MSRA: variants seen among roughly 807,000 people sequenced by gnomAD.
The protein encoded by MSRA is methionine sulfoxide reductase A, also known as mitochondrial peptide methionine sulfoxide reductase.
A neutral mutation model predicts 31.3 loss-of-function variants in MSRA; 54 were observed. That is an observed-to-expected ratio of 1.73 (90% CI 1.39 to 2.17). The LOEUF (loss-of-function observed/expected upper bound fraction) is 2.17, where lower values mean the gene tolerates loss of function less well. Ranked by LOEUF, MSRA falls within the 30% of genes most tolerant of loss-of-function variation. The pLI is 0.00. For synonymous variants in MSRA, 169 were observed against 116.5 expected (o/e 1.45, Z -2.90); for missense variants, 507 against 300.9 (o/e 1.69, Z -5.07).
At chr8:10,143,271 T>G (rs990426307) in intron 1 of MSRA, among the ~76,000 whole-genome samples, 2 of 152,046 alleles carry the variant, frequency 1.3e-5, no homozygotes, top group African/African-American at 2.4e-5. Flanking sequence ...AGGGAGTGTT[T>G]AGAAAAAAGA....
At chr8:10,370,325 A>G (rs1805405859) in intron 5 of MSRA, among the ~76,000 whole-genome samples, 1 of 152,234 alleles carries the variant, frequency 6.6e-6, no homozygotes, top group Non-Finnish European at 1.5e-5. Flanking sequence ...CTACCAGAGT[A>G]CTGCTTCCTG....
chr8:10,241,838 G>A (rs1797338890), intron 2 of MSRA, among the ~76,000 whole-genome samples: 1 of 152,222 alleles, frequency 6.6e-6, no homozygotes, highest in African/African-American at 2.4e-5. Context: ...GTCCTCTGAG[G>A]ACGGTTGTGT....
chr8:10,231,464 C>A (rs931408088), intron 2 of MSRA, among the ~76,000 whole-genome samples: 8 of 152,168 alleles, frequency 5.3e-5, no homozygotes, highest in African/African-American at 1.9e-4. Context: ...GGGAGCCCCC[C>A]AGGTGGGGAT....
intron 1 of MSRA, among the ~76,000 whole-genome samples, chr8:10,095,041 C>A (rs1214613540): frequency 1.3e-5 from 2 of 152,188 alleles, no homozygotes; most frequent in African/African-American, 4.8e-5. Flanking sequence ...TATTCATTCT[C>A]CATAGGATAA....
chr8:10,387,076 C>T (rs530675507), intron 5 of MSRA, among the ~76,000 whole-genome samples: 4 of 152,236 alleles, frequency 2.6e-5, no homozygotes, highest in South Asian at 2.1e-4. Flanking sequence ...TGACAAGCTC[C>T]AGAGGCAGCT....
chr8:10,177,722 G>T (rs902026539), intron 1 of MSRA, among the ~76,000 whole-genome samples: 8 of 152,106 alleles, frequency 5.3e-5, no homozygotes, highest in African/African-American at 1.7e-4. Context: ...TTTATTTATT[G>T]GCAAGCTTTT....
rs1390034861 is a variant in MSRA, at chr8:10,279,297, T to C, written c.332-22237T>C. ...TTAATTAATACAGAGTAGCTGACTC[T>C]CCAGACATATGTAATGGGTGAAAAT... On this transcript the variant is annotated intron_variant, in intron 3 of 5. Transcript: ENST00000317173. 2.6e-5 allele frequency among the ~76,000 whole-genome samples: 4 copies of C among 152,310 alleles called. No individual in the cohort carries two copies. The East Asian group carries it at 7.7e-4, about 29-fold the overall frequency.
intron 1 of MSRA, among the ~76,000 whole-genome samples, chr8:10,193,311 T>C (rs1401976036): frequency 6.6e-6 from 1 of 152,196 alleles, no homozygotes; most frequent in African/African-American, 2.4e-5. Context: ...CCTATGGCCT[T>C]CCCGCTGAGA....
intron 3 of MSRA, among the ~76,000 whole-genome samples, chr8:10,291,205 C>T (rs749774994): frequency 4.6e-5 from 7 of 152,176 alleles, no homozygotes; most frequent in Non-Finnish European, 8.8e-5. Flanking sequence ...GTTTATGGCA[C>T]TCCTCTGAGA....
At chr8:10,390,024 C>A (rs1462282211) in intron 5 of MSRA, among the ~76,000 whole-genome samples, 1 of 152,182 alleles carries the variant, frequency 6.6e-6, no homozygotes, top group Admixed American at 6.5e-5. Flanking sequence ...GCTTCTGCCT[C>A]ACCCGAGCCC....
intron 3 of MSRA, among the ~76,000 whole-genome samples, chr8:10,272,244 G>A (rs773707816): frequency 6.6e-6 from 1 of 152,150 alleles, no homozygotes; most frequent in Non-Finnish European, 1.5e-5. Context: ...CGATCTAGAG[G>A]TTAATGTATT....
intron 1 of MSRA, among the ~76,000 whole-genome samples, chr8:10,128,508 G>C (rs1432969552): frequency 6.6e-6 from 1 of 152,012 alleles, no homozygotes. Context: ...TCGAAATTCT[G>C]TGACTCCTAT....
chr8:10,337,612 T>G, intron 5 of MSRA: 1 of 665,384 alleles, frequency 1.5e-6, no homozygotes. Context: ...GGTTAATTTT[T>G]CTGGTCCTGA....
intron 5 of MSRA, among the ~76,000 whole-genome samples, chr8:10,331,977 T>G (rs536684331): frequency 5.9e-5 from 9 of 152,336 alleles, no homozygotes; most frequent in African/African-American, 1.9e-4. Flanking sequence ...CAGGGTTTAA[T>G]GGGTGACTGC....
intron 1 of MSRA, among the ~76,000 whole-genome samples, chr8:10,185,103 G>C (rs1234311692): frequency 6.6e-6 from 1 of 152,140 alleles, no homozygotes; most frequent in African/African-American, 2.4e-5. Context: ...AAGGCTGAAG[G>C]GCTGCTGCTC....
chr8:10,146,336 C>G (rs1435749039), intron 1 of MSRA, among the ~76,000 whole-genome samples: 1 of 152,114 alleles, frequency 6.6e-6, no homozygotes, highest in Admixed American at 6.5e-5. Context: ...ATTTTAAACA[C>G]AGAAATAAAA....
chr8:10,368,538 C>A (rs757141577), intron 5 of MSRA, among the ~76,000 whole-genome samples: 2 of 152,220 alleles, frequency 1.3e-5, no homozygotes, highest in South Asian at 2.1e-4. Context: ...TGGCCAACAC[C>A]GGAGTGGGGT....
At chr8:10,313,890 G>A (rs1801573129) in intron 4 of MSRA, among the ~76,000 whole-genome samples, 1 of 152,160 alleles carries the variant, frequency 6.6e-6, no homozygotes, top group African/African-American at 2.4e-5. Context: ...AAATGACACA[G>A]TTGGCATTTC....
chr8:10,403,374 G>C (rs1807585935), intron 5 of MSRA, among the ~76,000 whole-genome samples: 1 of 152,162 alleles, frequency 6.6e-6, no homozygotes, highest in African/African-American at 2.4e-5. Context: ...GCCTTACCTA[G>C]CTCCACATGC....
Sources: allele counts gnomAD v4.1 joint callset (sites outside exome capture counted in the v4.1 genomes callset), GRCh38; gene constraint gnomAD v4.1.1; transcripts MANE v1.5; gene names NCBI Gene and HGNC (gene_info 2026-07-23, HGNC 2026-07-21).